The following SPRR2G variants were observed in gnomAD, a reference collection of about 807,000 sequenced individuals.
SPRR2G encodes the protein small proline-rich protein 2G.
In SPRR2G, 1 loss-of-function variant was observed where a neutral mutation model predicts 0.7. That is an observed-to-expected ratio of 1.49 (90% CI 0.53 to 7.06). The LOEUF is 7.06. Ranked by LOEUF, SPRR2G falls within the 30% of genes most tolerant of loss-of-function variation. The pLI, the probability that SPRR2G is intolerant of heterozygous loss-of-function variation, is 0.14. For missense variants in SPRR2G, 96 were observed against 88.5 expected (o/e 1.09, Z -0.34); for synonymous variants, 38 against 33.9 (o/e 1.12, Z -0.42).
chr1:153,196,766 C>A, the SPRR2G span, among the ~76,000 whole-genome samples: 7 of 152,242 alleles, frequency 4.6e-5, no homozygotes, highest in African/African-American at 1.7e-4. Flanking sequence ...AAAGAGATCT[C>A]GCTTTGTGCC....
the SPRR2G span, among the ~76,000 whole-genome samples, chr1:153,187,543 G>C: frequency 6.6e-6 from 1 of 151,892 alleles, no homozygotes; most frequent in South Asian, 2.1e-4. Flanking sequence ...GTGTTTTTCA[G>C]CTCCATCAGG....
chr1:153,166,860 T>C, the SPRR2G span, among the ~76,000 whole-genome samples: 1 of 142,620 alleles, frequency 7.0e-6, no homozygotes, highest in African/African-American at 2.5e-5. Flanking sequence ...GGAAGTTGAG[T>C]ATCACAGAAT....
the SPRR2G span, among the ~76,000 whole-genome samples, chr1:153,202,078 C>G: frequency 6.6e-6 from 1 of 152,174 alleles, no homozygotes; most frequent in African/African-American, 2.4e-5. Context: ...AAAAAAAGAA[C>G]AACTTGCTGA....
chr1:153,149,599 C>T lies in SPRR2G; in HGVS notation c.*290G>A, dbSNP rs1012868735. 2 of 487,618 alleles carry T rather than the reference C, an allele frequency of 4.1e-6. No individual in the cohort carries two copies. Among genetic ancestry groups the T allele is most frequent in the Non-Finnish European group, 7.5e-6 (2 of 267,804 alleles). The allele number at this position is 487,618 out of a possible 1,614,324, so 30.2% of individuals were successfully genotyped here. A position where few individuals can be genotyped will look rare whatever the true frequency, so the allele number is the denominator to read the frequency against. ...AAGCAATGTGGGCTTGACCATGAAA[C>T]ATGTGCTTTATTGGGGAGAAGCAAA... is the stretch of plus-strand genomic sequence containing the variant. On this transcript the variant is annotated 3_prime_UTR_variant, in exon 2 of 2. Coordinates refer to ENST00000368748, the MANE Select transcript of SPRR2G (RefSeq NM_001014291.4).
At chr1:153,177,270 G>A in the SPRR2G span, among the ~76,000 whole-genome samples, 7 of 152,238 alleles carry the variant, frequency 4.6e-5, no homozygotes, top group South Asian at 1.2e-3. Flanking sequence ...GGACATTTAG[G>A]TTATTACAAT....
the SPRR2G span, among the ~76,000 whole-genome samples, chr1:153,172,565 C>A: frequency 2.6e-5 from 4 of 152,090 alleles, no homozygotes; most frequent in Non-Finnish European, 5.9e-5. Flanking sequence ...TACCCTTCCT[C>A]AGGAGATGGA....
the SPRR2G span, chr1:153,191,049 G>C: frequency 6.6e-6 from 1 of 152,184 alleles, no homozygotes; most frequent in South Asian, 2.1e-4. Flanking sequence ...AGGCAATCAG[G>C]GGCCACCCAA....
chr1:153,182,554 CT>C, the SPRR2G span, among the ~76,000 whole-genome samples: 9 of 152,188 alleles, frequency 5.9e-5, no homozygotes, highest in African/African-American at 1.9e-4. Context: ...TCCACCACCC[CT>C]GACAGGTCCT....
At chr1:153,173,673 T>G in the SPRR2G span, among the ~76,000 whole-genome samples, 1 of 152,212 alleles carries the variant, frequency 6.6e-6, no homozygotes, top group African/African-American at 2.4e-5. Context: ...CTTCTGTTAC[T>G]TTAGGAGAAT....
At chr1:153,157,376 C>T in the SPRR2G span, among the ~76,000 whole-genome samples, 2 of 152,016 alleles carry the variant, frequency 1.3e-5, no homozygotes, top group African/African-American at 2.4e-5. Context: ...AAAGAACAAA[C>T]AAAGTGTGGG....
chr1:153,175,473 A>C, the SPRR2G span, among the ~76,000 whole-genome samples: 1 of 152,156 alleles, frequency 6.6e-6, no homozygotes, highest in Non-Finnish European at 1.5e-5. Flanking sequence ...GATATGTGCC[A>C]GGTTCGTTCT....
At chr1:153,168,028 C>T in the SPRR2G span, among the ~76,000 whole-genome samples, 9 of 152,140 alleles carry the variant, frequency 5.9e-5, no homozygotes, top group Admixed American at 2.6e-4. Context: ...TTCTAAATCA[C>T]CTTCTTGGTG....
At chr1:153,173,965 A>G in the SPRR2G span, among the ~76,000 whole-genome samples, 1 of 152,174 alleles carries the variant, frequency 6.6e-6, no homozygotes, top group African/African-American at 2.4e-5. Flanking sequence ...AGGCATTCAC[A>G]TTTTTTACTT....
upstream of SPRR2G, among the ~76,000 whole-genome samples, chr1:153,151,377 A>T (rs1028843199): frequency 6.6e-6 from 1 of 152,066 alleles, no homozygotes; most frequent in Non-Finnish European, 1.5e-5. Flanking sequence ...GCTTTTCTTG[A>T]CAATTAATTG....
the SPRR2G span, among the ~76,000 whole-genome samples, chr1:153,168,980 A>G: frequency 6.6e-6 from 1 of 151,890 alleles, no homozygotes; most frequent in Non-Finnish European, 1.5e-5. Flanking sequence ...CAGCCTTGAG[A>G]AACAAAAATA....
chr1:153,202,787 G>A, the SPRR2G span, among the ~76,000 whole-genome samples: 9 of 152,106 alleles, frequency 5.9e-5, no homozygotes, highest in East Asian at 1.9e-4. Context: ...TGACTGCCAC[G>A]ATGAACCTCC....
the SPRR2G span, among the ~76,000 whole-genome samples, chr1:153,178,748 T>A: frequency 6.6e-6 from 1 of 152,164 alleles, no homozygotes; most frequent in Non-Finnish European, 1.5e-5. Context: ...TTTCATTTAA[T>A]GTCCTTGTCA....
At chr1:153,188,176 C>G in the SPRR2G span, among the ~76,000 whole-genome samples, 1 of 152,174 alleles carries the variant, frequency 6.6e-6, no homozygotes, top group Non-Finnish European at 1.5e-5. Context: ...TCAGGAGGCA[C>G]AGGGGTCAGG....
the SPRR2G span, among the ~76,000 whole-genome samples, chr1:153,187,276 T>A: frequency 6.6e-6 from 1 of 152,224 alleles, no homozygotes; most frequent in Non-Finnish European, 1.5e-5. Context: ...TTCTCCTCGA[T>A]AACATCCTGA....
Sources: gnomAD v4.1 joint callset for allele counts (sites outside exome capture counted in the v4.1 genomes callset) on GRCh38, gnomAD v4.1.1 for gene constraint, MANE v1.5 for transcripts, NCBI Gene and HGNC (gene_info 2026-07-23, HGNC 2026-07-21) for gene names.